The following CNTN4 variants were observed in gnomAD, a reference collection of about 807,000 sequenced individuals.
CNTN4 encodes the protein contactin-4.
CNTN4 carries 77 observed loss-of-function variants against 122.5 expected under a neutral mutation model. The observed-to-expected ratio is 0.63, with a 90% CI of 0.52 to 0.76. The LOEUF is 0.76. Ranked by LOEUF, CNTN4 falls within the 30% of genes least tolerant of loss-of-function variation. CNTN4 has a pLI of 0.00. For missense variants in CNTN4, 1,256 were observed against 1,259.1 expected, an observed-to-expected ratio of 1.00 and a Z score of 0.04; for synonymous variants, 512 against 447.0, an observed-to-expected ratio of 1.15 and a Z score of -1.83.
chr3:2,850,555 A>G (rs1457699841), intron 7 of CNTN4, among the ~76,000 whole-genome samples: 1 of 152,206 alleles, frequency 6.6e-6, no homozygotes, highest in East Asian at 1.9e-4. Flanking sequence ...CACCCAGATC[A>G]TGCGAAACCA....
rs1335818889 is a variant in CNTN4 at position 3,034,935 on chromosome 3, A to G, written c.1942+145A>G. 6 of 872,372 alleles carry G rather than the reference A, an allele frequency of 6.9e-6. No homozygotes were observed. In the Admixed American group the frequency reaches 9.6e-5, roughly 14 times the overall value. The allele number at this position is 872,372 out of a possible 1,614,324, so 54.0% of individuals were successfully genotyped here. ...TGTTTCCTAAACCTCGGCCAACTGT[A>G]CTATCATTAATATTTTTCTTTATAT... On this transcript the variant is annotated intron_variant, in intron 17 of 24. Coordinates refer to ENST00000418658, the MANE Select transcript of CNTN4 (RefSeq NM_175607.3).
intron 3 of CNTN4, among the ~76,000 whole-genome samples, chr3:2,439,167 T>C (rs1367785290): frequency 6.6e-6 from 1 of 152,218 alleles, no homozygotes; most frequent in Non-Finnish European, 1.5e-5. Flanking sequence ...ACTTTTATAT[T>C]AGAGCATTAG....
rs2086995625 is a variant in CNTN4 at position 2,709,670 on chromosome 3, T to C, written c.56-26545T>C. Among the ~76,000 whole-genome samples the C allele has an allele frequency of 6.6e-6, 1 of 152,144 alleles. No individual in the cohort carries two copies. Among genetic ancestry groups the C allele is most frequent in the Admixed American group, 6.5e-5 (1 of 15,274 alleles). ...GGCTCTCACCTGTAACCGCAGCACTTTGGGAGGCTGAGGCAGGTGGATCAC... is the reference window on the plus strand; with the variant it reads ...GGCTCTCACCTGTAACCGCAGCACTCTGGGAGGCTGAGGCAGGTGGATCAC... On this transcript the variant is annotated intron_variant, in intron 4 of 24. Transcript: ENST00000418658. This position sits in a 1 kb window ranked among gnomAD's most constrained non-coding sequence, Gnocchi z 5.0.
intron 3 of CNTN4, among the ~76,000 whole-genome samples, chr3:2,389,814 T>G (rs1481512451): frequency 6.6e-6 from 1 of 152,162 alleles, no homozygotes; most frequent in Non-Finnish European, 1.5e-5. Flanking sequence ...GTTGATGGGT[T>G]GCACTAAGAA....
chr3:2,796,665 T>C (rs60967277), intron 6 of CNTN4, among the ~76,000 whole-genome samples: 1 of 152,370 alleles, frequency 6.6e-6, no homozygotes, highest in African/African-American at 2.4e-5. Flanking sequence ...CATTGTGTTG[T>C]AGCATTTTTC....
chr3:2,937,464 A>G (rs1236990402), intron 13 of CNTN4, among the ~76,000 whole-genome samples: 1 of 152,188 alleles, frequency 6.6e-6, no homozygotes, highest in Non-Finnish European at 1.5e-5. Flanking sequence ...TAAAAAAATG[A>G]AGTAATGGGA....
intron 3 of CNTN4, among the ~76,000 whole-genome samples, chr3:2,474,965 T>C (rs1255058510): frequency 6.6e-6 from 1 of 152,204 alleles, no homozygotes; most frequent in Non-Finnish European, 1.5e-5. Context: ...GTTTTTAATC[T>C]TTCATATTTT....
intron 4 of CNTN4, among the ~76,000 whole-genome samples, chr3:2,622,945 C>G (rs2082045489): frequency 6.6e-6 from 1 of 152,104 alleles, no homozygotes; most frequent in Admixed American, 6.5e-5. Context: ...AGCTACTTTT[C>G]TTTTTCACCA....
intron 2 of CNTN4, among the ~76,000 whole-genome samples, chr3:2,118,234 C>T (rs2033503179): frequency 6.6e-6 from 1 of 152,274 alleles, no homozygotes; most frequent in South Asian, 2.1e-4. Context: ...TGTCTCAGGT[C>T]ATGCAGCTAA....
At chr3:2,252,791 G>A (rs2040427011) in intron 2 of CNTN4, among the ~76,000 whole-genome samples, 1 of 151,930 alleles carries the variant, frequency 6.6e-6, no homozygotes, top group Admixed American at 6.6e-5. Context: ...GTAACATTTG[G>A]TTCTTTCTGA....
At chr3:2,620,399 C>T (rs2081947947) in intron 4 of CNTN4, among the ~76,000 whole-genome samples, 1 of 152,172 alleles carries the variant, frequency 6.6e-6, no homozygotes, top group Admixed American at 6.5e-5. Context: ...ACATGGGAGG[C>T]TAAGGTAGGA....
intron 3 of CNTN4, among the ~76,000 whole-genome samples, chr3:2,467,637 T>G (rs1256289567): frequency 1.3e-5 from 2 of 152,316 alleles, no homozygotes; most frequent in East Asian, 3.9e-4. Context: ...AAGGTCCAGG[T>G]AGAATGCCCT....
chr3:2,235,490 T>G (rs1469758853), intron 2 of CNTN4, among the ~76,000 whole-genome samples: 2 of 152,176 alleles, frequency 1.3e-5, no homozygotes, highest in Non-Finnish European at 2.9e-5. Flanking sequence ...TTCTAATAAT[T>G]CCTATAATTG....
At chr3:3,038,736 A>G (rs1699859685) in intron 18 of CNTN4, among the ~76,000 whole-genome samples, 197 bp from the exon 19 acceptor site, 1 of 152,132 alleles carries the variant, frequency 6.6e-6, no homozygotes, top group Non-Finnish European at 1.5e-5. Flanking sequence ...CAGGTAATTA[A>G]TAGCAGTCTC....
intron 3 of CNTN4, among the ~76,000 whole-genome samples, chr3:2,492,934 C>A (rs2076357412): frequency 6.6e-6 from 1 of 152,084 alleles, no homozygotes; most frequent in Non-Finnish European, 1.5e-5. Flanking sequence ...GGTACAGTTA[C>A]ACAGATTTAA....
chr3:2,616,343 G>A (rs2081737315), intron 4 of CNTN4, among the ~76,000 whole-genome samples: 1 of 152,104 alleles, frequency 6.6e-6, no homozygotes, highest in South Asian at 2.1e-4. Flanking sequence ...ATTCCATGGT[G>A]TATATGTACC....
chr3:2,307,716 CATTG>C (rs1465044445), intron 2 of CNTN4, among the ~76,000 whole-genome samples: 3 of 152,036 alleles, frequency 2.0e-5, no homozygotes, highest in Non-Finnish European at 4.4e-5. Flanking sequence ...TGGTGTGCTA[CATTG>C]ATTGATTTTT....
At position 2,344,678 on chromosome 3, in the gene CNTN4, T is replaced by C. The variant is rs770024538; in HGVS notation, c.-89+5445T>C. Among the ~76,000 whole-genome samples, 32 of 152,298 alleles carry C rather than the reference T, an allele frequency of 2.1e-4. No homozygotes were observed. The Middle Eastern group carries it at 0.01, about 49-fold the overall frequency. The stretch of plus-strand genomic sequence containing the variant: ...TTTCTATTCTAAATATTTTACTGAC[T>C]ACCTCTCTCATATTTCTCAAAATGT... On this transcript the variant is annotated intron_variant, in intron 3 of 24. Transcript: ENST00000418658.
intron 3 of CNTN4, among the ~76,000 whole-genome samples, chr3:2,491,841 G>A (rs1013477322): frequency 1.3e-5 from 2 of 152,134 alleles, no homozygotes; most frequent in African/African-American, 2.4e-5. Flanking sequence ...ACTGCCTGCC[G>A]TGGTTTTATT....
Sources: gnomAD v4.1 joint callset for allele counts (sites outside exome capture counted in the v4.1 genomes callset) on GRCh38, gnomAD v4.1.1 for gene constraint, Gnocchi (gnomAD v3.1) non-coding constraint, MANE v1.5 for transcripts, NCBI Gene and HGNC (gene_info 2026-07-23, HGNC 2026-07-21) for gene names.